Variants in INTS8 observed in about 807,000 individuals in gnomAD.
INTS8 encodes integrator complex subunit 8, also known as protein kaonashi-1.
INTS8 carries 47 observed loss-of-function variants against 138.9 expected under a neutral mutation model. The observed-to-expected ratio is 0.34, with a 90% CI of 0.27 to 0.43. The LOEUF is 0.43. INTS8 is among the 20% of genes least tolerant of loss of function. The pLI, the probability that INTS8 is intolerant of heterozygous loss-of-function variation, is 1.00. For missense variants in INTS8, 996 were observed against 1,173.0 expected, an observed-to-expected ratio of 0.85 and a Z score of 2.20; for synonymous variants, 392 against 400.9, an observed-to-expected ratio of 0.98 and a Z score of 0.27.
At chr8:94,854,207 GAA>G (rs770693182) in intron 14 of INTS8, among the ~76,000 whole-genome samples, 7 of 110,838 alleles carry the variant, frequency 6.3e-5, no homozygotes, top group African/African-American at 6.7e-5. Flanking sequence ...GTCCATCTCG[GAA>G]AAAAAAAAAA....
chr8:94,823,780 G>C (rs1423795876), intron 1 of INTS8, among the ~76,000 whole-genome samples: 1 of 152,238 alleles, frequency 6.6e-6, no homozygotes, highest in South Asian at 2.1e-4. Flanking sequence ...GGAGGGGAGG[G>C]CTTGGTGCTG....
At position 94,839,640 on chromosome 8, in the gene INTS8, C is replaced by T. The variant is rs145650019; in HGVS notation, c.1017+1022C>T. Among the ~76,000 whole-genome samples the T allele has an allele frequency of 3.8e-3, 571 of 152,188 alleles. 6 individuals carry two copies. Among genetic ancestry groups the T allele is most frequent in the African/African-American group, 0.01 (431 of 41,522 alleles). ...TTAAACTTTCTTGAAGTTTAATTAC[C>T]GACACAGGTGAATTTAATAAAGACT... On this transcript the variant is annotated intron_variant, in intron 8 of 26. Coordinates refer to ENST00000523731, the MANE Select transcript of INTS8 (RefSeq NM_017864.4).
intron 2 of INTS8, among the ~76,000 whole-genome samples, chr8:94,825,607 G>C (rs926610654): frequency 3.9e-5 from 6 of 152,068 alleles, no homozygotes; most frequent in Non-Finnish European, 7.4e-5. Flanking sequence ...TGTGTAATAT[G>C]AATGATTTGC....
At chr8:94,827,147 C>G in intron 2 of INTS8, 116 bp from the exon 3 acceptor site, 1 of 899,278 alleles carries the variant, frequency 1.1e-6, no homozygotes, top group Non-Finnish European at 1.7e-6. Context: ...ATAGCTAAAC[C>G]CAGAGATGTG....
In INTS8 at chr8:94,871,890, G is replaced by T. The variant is rs745974192; in HGVS notation, c.2421G>T (p.Gln807His). ...TGTGTGTCTTTCCTTTTAGCCTCCA[G>T]TCTGTGGACTTTGAAGCTGTGGCAA... ...SIWPSSIPNL[Q>H]SVDFEAVAIT... Residue 807 changes from glutamine to histidine, a missense_variant, in exon 21 of 27, where the codon CAG becomes CAT. Transcript: ENST00000523731. The T allele has an allele frequency of 3.8e-6, 6 of 1,559,984 alleles. No homozygotes were observed. Among genetic ancestry groups the T allele is most frequent in the Non-Finnish European group, 1.8e-6 (2 of 1,132,250 alleles).
At chr8:94,843,624 A>T (rs933749806) in intron 10 of INTS8, among the ~76,000 whole-genome samples, 2 of 151,726 alleles carry the variant, frequency 1.3e-5, no homozygotes, top group African/African-American at 4.8e-5. Flanking sequence ...CAGTCTTATG[A>T]TGGGGGACAT....
intron 8 of INTS8, among the ~76,000 whole-genome samples, chr8:94,840,396 CCTTT>C (rs923985921): frequency 1.3e-5 from 2 of 152,042 alleles, no homozygotes. Flanking sequence ...TCGTTAACAC[CCTTT>C]CTTTCTTTCC....
At chr8:94,866,308 T>A in intron 18 of INTS8, 117 bp downstream of exon 18, 1 of 660,616 alleles carries the variant, frequency 1.5e-6, no homozygotes, top group Non-Finnish European at 2.8e-6. Flanking sequence ...AATTTTTTTT[T>A]AAGGGACAGG....
At chr8:94,869,772 T>C (rs1255197181) in intron 20 of INTS8, among the ~76,000 whole-genome samples, 1 of 152,212 alleles carries the variant, frequency 6.6e-6, no homozygotes, top group South Asian at 2.1e-4. Context: ...ATTACAGGCA[T>C]GAGCCACTGC....
chr8:94,870,636 A>G (rs921748184), intron 20 of INTS8, among the ~76,000 whole-genome samples: 3 of 152,216 alleles, frequency 2.0e-5, no homozygotes, highest in Admixed American at 6.5e-5. Flanking sequence ...TTGTAAGCCA[A>G]TCTAACTTAT....
In INTS8 at chr8:94,853,896, T is replaced by G; in HGVS notation, c.1733T>G (p.Leu578Trp). 6.3e-7 allele frequency: 1 copy of G among 1,590,936 alleles called. No homozygotes were observed. Among genetic ancestry groups the G allele is most frequent in the Non-Finnish European group, 8.6e-7 (1 of 1,158,924 alleles). Residue 578 changes from leucine (L) to tryptophan (W), a missense_variant, in exon 14 of 27, where the codon TTG becomes TGG. By Grantham distance (61) the Leu-to-Trp change is moderately conservative. Coordinates refer to ENST00000523731, the MANE Select transcript of INTS8 (RefSeq NM_017864.4). ...DLVYILMAKG[L>W]HCSTVKDFSH... ...GTTTATATTCTTATGGCCAAAGGTT[T>G]GCACTGCAGTACTGTTAAGGTGAGT...
intron 18 of INTS8, chr8:94,866,839 A>C (rs1243414070): frequency 6.8e-6 from 2 of 295,490 alleles, no homozygotes; most frequent in Non-Finnish European, 1.2e-5. Context: ...TCACTCTTTG[A>C]ACATTATTTT....
At chr8:94,859,314 CTG>C (rs753422695) in intron 15 of INTS8, among the ~76,000 whole-genome samples, 195 bp from the exon 16 acceptor site, 20 of 151,526 alleles carry the variant, frequency 1.3e-4, no homozygotes, top group Non-Finnish European at 2.1e-4. Context: ...AGGTCTCACT[CTG>C]TTGCCCAGGC....
chr8:94,864,324 T>C (rs1816098965), intron 16 of INTS8, among the ~76,000 whole-genome samples: 1 of 152,116 alleles, frequency 6.6e-6, no homozygotes, highest in Non-Finnish European at 1.5e-5. Context: ...AACCAGGGGT[T>C]CCTGATGGAT....
chr8:94,832,282 A>G (rs1269273050), intron 6 of INTS8, 108 bp downstream of exon 6: 8 of 789,302 alleles, frequency 1.0e-5, no homozygotes, highest in Middle Eastern at 2.4e-4. Flanking sequence ...GTCTCTTAAG[A>G]TGCTATTAAA....
chr8:94,859,600 G>A lies in INTS8; in HGVS notation c.2044G>A (p.Ala682Thr). ...TGAATACCTTACACTCCAAGTTCCTGCATTTTTGCTTCAGAGTAATCCATA... is the reference window on the plus strand; with the variant it reads ...TGAATACCTTACACTCCAAGTTCCTACATTTTTGCTTCAGAGTAATCCATA... The part of the protein sequence containing the change: ...ENEYLTLQVP[A>T]FLLQSNPYVK... Residue 682 changes from alanine to threonine, a missense_variant, in exon 16 of 27, where the codon GCA (alanine) becomes ACA (threonine). Transcript: ENST00000523731. 6.2e-7 allele frequency: 1 copy of A among 1,611,912 alleles called. No individual in the cohort carries two copies.
intron 12 of INTS8, among the ~76,000 whole-genome samples, chr8:94,850,611 CAAA>C (rs11313192): frequency 0.051 from 4,758 of 93,282 alleles, 58 homozygotes; most frequent in African/African-American, 0.072. Flanking sequence ...GACTCCGACT[CAAA>C]AAAAAAAAAA....
chr8:94,833,858 G>A (rs894708514), intron 6 of INTS8, among the ~76,000 whole-genome samples: 7 of 152,094 alleles, frequency 4.6e-5, no homozygotes, highest in East Asian at 3.9e-4. Flanking sequence ...CACAACCTCC[G>A]CCTCCCAGGT....
Position 94,880,984 on chromosome 8 carries a change from C to T in INTS8, c.*750C>T, listed in dbSNP as rs1280990872. 3 of 398,584 alleles carry T rather than the reference C, an allele frequency of 7.5e-6. No individual in the cohort carries two copies. The highest frequency in any genetic ancestry group is 1.3e-5 in the Non-Finnish European group (3 of 225,874). 24.7% of individuals were successfully genotyped at this position (398,584 alleles called of 1,614,324 possible). On this transcript the variant is annotated 3_prime_UTR_variant, in exon 27 of 27. Transcript: ENST00000523731. ...CCCACTGTTTAGAGCACAGGTTGAA[C>T]ACCATGTTCATCTAAGCCTTATTAG...
Sources: allele counts gnomAD v4.1 joint callset (sites outside exome capture counted in the v4.1 genomes callset), GRCh38; gene constraint gnomAD v4.1.1; transcripts MANE v1.5; gene names NCBI Gene and HGNC (gene_info 2026-07-23, HGNC 2026-07-21).